The following PLA2G6 variants were observed in gnomAD, a reference collection of about 807,000 sequenced individuals.
PLA2G6 encodes the protein 85/88 kDa calcium-independent phospholipase A2.
Under a neutral mutation model 83.8 loss-of-function variants are expected in PLA2G6, and 62 were observed. The observed-to-expected ratio is 0.74, with a 90% CI of 0.60 to 0.91. PLA2G6 has a LOEUF of 0.91. Ranked by LOEUF, PLA2G6 falls within the 40% of genes least tolerant of loss-of-function variation. The pLI, the probability that PLA2G6 is intolerant of heterozygous loss-of-function variation, is 0.00. For missense variants in PLA2G6, 944 were observed against 1,102.0 expected, an observed-to-expected ratio of 0.86 and a Z score of 2.03; for synonymous variants, 417 against 449.8, an observed-to-expected ratio of 0.93 and a Z score of 0.92.
chr22:38,150,985 G>A (rs937933857), intron 2 of PLA2G6, among the ~76,000 whole-genome samples: 4 of 152,196 alleles, frequency 2.6e-5, no homozygotes, highest in Non-Finnish European at 5.9e-5. Context: ...TACTCAGGAG[G>A]TTGAGGGAGG....
intron 12 of PLA2G6, among the ~76,000 whole-genome samples, chr22:38,118,516 G>C (rs1345393828): frequency 1.3e-5 from 2 of 152,202 alleles, no homozygotes; most frequent in Non-Finnish European, 1.5e-5. Context: ...CATAGGAAGA[G>C]AAAGTAAAAT....
intron 2 of PLA2G6, among the ~76,000 whole-genome samples, chr22:38,165,087 T>C (rs2090164567): frequency 6.6e-6 from 1 of 151,946 alleles, no homozygotes; most frequent in Non-Finnish European, 1.5e-5. Context: ...CCAGTCCCCA[T>C]CCTCCACCTC....
chr22:38,154,544 A>C (rs1406239695), intron 2 of PLA2G6, among the ~76,000 whole-genome samples: 1 of 152,264 alleles, frequency 6.6e-6, no homozygotes, highest in Non-Finnish European at 1.5e-5. Context: ...TAGTATTAGT[A>C]GGCTTGGGGT....
intron 1 of PLA2G6, among the ~76,000 whole-genome samples, chr22:38,173,692 C>T (rs2090523415): frequency 6.6e-6 from 1 of 152,138 alleles, no homozygotes; most frequent in Admixed American, 6.6e-5. Context: ...ATTATTATCC[C>T]ATCTTCCCAT....
At position 38,117,522 on chromosome 22, in the gene PLA2G6, C is replaced by T. The variant is rs986561484; in HGVS notation, c.1743-1311G>A. On this transcript the variant is annotated intron_variant, in intron 12 of 16. Coordinates refer to ENST00000332509, the MANE Select transcript of PLA2G6 (RefSeq NM_003560.4). Reference sequence around the variant, plus strand: ...AAATCTTAAACAAAATATGATCAAACTGAACCCATCAGAATTCTCTCTAGA... The same window carrying T: ...AAATCTTAAACAAAATATGATCAAATTGAACCCATCAGAATTCTCTCTAGA... Among the ~76,000 whole-genome samples the T allele has an allele frequency of 2.0e-5, 3 of 152,144 alleles. No individual in the cohort carries two copies. In the South Asian group the frequency reaches 6.2e-4, roughly 32 times the overall value.
At chr22:38,143,652 T>C (rs1200162349) in intron 3 of PLA2G6, 1 of 388,128 alleles carries the variant, frequency 2.6e-6, no homozygotes, top group African/African-American at 2.1e-5. Flanking sequence ...CAAGCTGCTG[T>C]GCCTGCCCCA....
intron 14 of PLA2G6, among the ~76,000 whole-genome samples, chr22:38,114,437 G>A (rs957533574): frequency 1.8e-4 from 28 of 152,134 alleles, no homozygotes; most frequent in African/African-American, 6.0e-4. Context: ...CACTTGCCTC[G>A]GCCTCCCAAA....
At chr22:38,157,610 C>T (rs2089835407) in intron 2 of PLA2G6, among the ~76,000 whole-genome samples, 3 of 152,114 alleles carry the variant, frequency 2.0e-5, no homozygotes. Context: ...TCTATGAGGC[C>T]AGTATTGCCC....
intron 6 of PLA2G6, chr22:38,133,745 A>C (rs1317417930): frequency 1.3e-5 from 2 of 152,348 alleles, no homozygotes; most frequent in Non-Finnish European, 2.9e-5. Context: ...TGGTGATGAG[A>C]CCAGAGGCCT....
intron 5 of PLA2G6, chr22:38,136,859 G>C (rs1014927719): frequency 6.6e-6 from 1 of 150,564 alleles, no homozygotes; most frequent in Non-Finnish European, 1.5e-5. Context: ...TCTAAGCCCT[G>C]GTTTCCTCAT....
At chr22:38,122,108 G>A (rs192208878) in intron 11 of PLA2G6, among the ~76,000 whole-genome samples, 3 of 152,270 alleles carry the variant, frequency 2.0e-5, no homozygotes, top group Non-Finnish European at 4.4e-5. Context: ...TGGACTGGCT[G>A]AGCCCCCTGC....
chr22:38,118,111 G>A (rs1018031885), intron 12 of PLA2G6, among the ~76,000 whole-genome samples: 14 of 151,904 alleles, frequency 9.2e-5, no homozygotes, highest in African/African-American at 2.7e-4. Flanking sequence ...CATAAGGTAC[G>A]GTCAAAGATA....
chr22:38,148,531 G>A (rs1388167404), intron 2 of PLA2G6: 1 of 717,118 alleles, frequency 1.4e-6, no homozygotes, highest in Non-Finnish European at 2.6e-6. Flanking sequence ...GAATTGCAGT[G>A]TTCAGGTGGC....
rs1251319186 is a variant in PLA2G6 at position 38,143,098 on chromosome 22, T to C, written c.609+7A>G. On this transcript the variant is annotated splice_region_variant and intron_variant, in intron 4 of 16. Transcript: ENST00000332509. Reference sequence around the variant, plus strand: ...GTACCAGTCACCCTGCCCCTCCCCCTGCTCACCTGCAGCACCTGAGAATTG... The same window carrying C: ...GTACCAGTCACCCTGCCCCTCCCCCCGCTCACCTGCAGCACCTGAGAATTG... The C allele has an allele frequency of 1.9e-5, 31 of 1,613,964 alleles. No individual in the cohort carries two copies. Among genetic ancestry groups the C allele is most frequent in the Non-Finnish European group, 2.5e-5 (30 of 1,179,856 alleles).
At chr22:38,134,946 C>A in intron 6 of PLA2G6, 42 bp downstream of exon 6, 1 of 1,395,522 alleles carries the variant, frequency 7.2e-7, no homozygotes, top group Non-Finnish European at 1.0e-6. Flanking sequence ...ACCTGCGGGG[C>A]CCGGCCCCCT....
At chr22:38,177,455 C>T (rs546218162) in intron 1 of PLA2G6, among the ~76,000 whole-genome samples, 3 of 143,140 alleles carry the variant, frequency 2.1e-5, no homozygotes, top group African/African-American at 7.9e-5. Context: ...GGGTAAATTG[C>T]CACTTTTTTT....
chr22:38,170,300 ACT>A (rs2090389058), intron 1 of PLA2G6, among the ~76,000 whole-genome samples: 2 of 151,852 alleles, frequency 1.3e-5, no homozygotes, highest in South Asian at 4.2e-4. Flanking sequence ...ATCATGTCAC[ACT>A]CTATCGGAGC....
Position 38,115,643 on chromosome 22 carries a change from C to A in PLA2G6, c.1918G>T (p.Ala640Ser). The change falls in exon 14 of 17, where the codon GCT becomes TCT. Residue 640 changes from alanine (A) to serine (S), a missense_variant. By Grantham distance (99) the Ala-to-Ser change is moderately conservative (BLOSUM62 1). Coordinates refer to ENST00000332509, the MANE Select transcript of PLA2G6 (RefSeq NM_003560.4). ...CCATTGGGTCGGAAGTAAGTAGGAG[C>A]TGCCCCGCTGCTTCGGGCCGCCCGC... ...VWRAARSSGAAPTYFRPNGRF... is the reference protein window; with the variant it reads ...VWRAARSSGASPTYFRPNGRF... 6.3e-7 allele frequency: 1 copy of A among 1,589,282 alleles called. No individual in the cohort carries two copies. The highest frequency in any genetic ancestry group is 8.6e-7 in the Non-Finnish European group (1 of 1,169,084).
chr22:38,115,703 G>A (rs765630635), intron 13 of PLA2G6, 22 bp from the exon 14 acceptor site: 44 of 1,583,992 alleles, frequency 2.8e-5, no homozygotes, highest in East Asian at 1.1e-4. Context: ...GAAGGAGGGC[G>A]GCCCAGTGGC....
Sources: allele counts gnomAD v4.1 joint callset (sites outside exome capture counted in the v4.1 genomes callset), GRCh38; gene constraint gnomAD v4.1.1; transcripts MANE v1.5; gene names NCBI Gene and HGNC (gene_info 2026-07-23, HGNC 2026-07-21).